Variants in ZNF493 observed in about 807,000 individuals in gnomAD.
ZNF493 encodes the protein zinc finger protein 493.
In ZNF493, 11 loss-of-function variants were observed where a neutral mutation model predicts 12.2. The ratio of observed to expected loss-of-function variants is 0.90; its 90% CI spans 0.57 to 1.50. The LOEUF (loss-of-function observed/expected upper bound fraction) is 1.50, where lower values mean the gene tolerates loss of function less well. ZNF493 is among the 40% of genes most tolerant of loss of function. ZNF493 has a pLI of 0.00. For synonymous variants in ZNF493, 286 were observed against 302.6 expected, an observed-to-expected ratio of 0.95 and a Z score of 0.57; for missense variants, 950 against 906.6, an observed-to-expected ratio of 1.05 and a Z score of -0.61.
chr19:21,418,805 A>C (rs1568381941), intron 3 of ZNF493, among the ~76,000 whole-genome samples: 3 of 152,222 alleles, frequency 2.0e-5, no homozygotes, highest in Admixed American at 6.5e-5. Flanking sequence ...TATCTGCAGC[A>C]GGAGCATGCT....
chr19:21,397,437 G>T, intron 1 of ZNF493, 170 bp downstream of exon 1: 1 of 830,716 alleles, frequency 1.2e-6, no homozygotes, highest in Non-Finnish European at 2.0e-6. Flanking sequence ...GTTGGCGGCT[G>T]CGCCAACAGC....
intron 3 of ZNF493, among the ~76,000 whole-genome samples, chr19:21,419,173 G>A (rs913233407): frequency 6.6e-6 from 1 of 152,206 alleles, no homozygotes; most frequent in East Asian, 1.9e-4. Flanking sequence ...CTGTAGTTGC[G>A]ACAGTGTTGT....
rs1416010181 is a variant in ZNF493, at chr19:21,427,451, G to A, written c.*2467G>A. 2 of 151,584 alleles carry A rather than the reference G, an allele frequency of 1.3e-5. No individual in the cohort carries two copies. The highest frequency in any genetic ancestry group is 2.9e-5 in the Non-Finnish European group (2 of 67,902). The allele number at this position is 151,584 out of a possible 1,614,324, so 9.4% of individuals were successfully genotyped here. ...CTATCCGTCCCCCCTCCCCCCAATT[G>A]TACTTTTATATAATAAAATGCAGTA... On this transcript the variant is annotated 3_prime_UTR_variant, in exon 4 of 4. Transcript: ENST00000392288.
At chr19:21,410,053 A>G (rs868004778) in intron 3 of ZNF493, among the ~76,000 whole-genome samples, 41 of 67,534 alleles carry the variant, frequency 6.1e-4, no homozygotes, top group African/African-American at 2.3e-3. Flanking sequence ...ATAATATTTC[A>G]TTGTGTGTAT....
At chr19:21,413,316 A>T (rs1364427801) in intron 3 of ZNF493, 2 of 390,506 alleles carry the variant, frequency 5.1e-6, no homozygotes, top group Non-Finnish European at 9.0e-6. Context: ...TCCAGGCATT[A>T]TTACCAGCCA....
intron 1 of ZNF493, 41 bp from the exon 2 acceptor site, chr19:21,405,088 A>ATGTGTGTGTGTG: frequency 2.1e-6 from 3 of 1,423,296 alleles, no homozygotes; most frequent in Non-Finnish European, 2.8e-6. Context: ...CCACGTGTAA[A>ATGTGTGTGTGTG]TGTGTGTGTG....
chr19:21,408,880 T>TA, intron 3 of ZNF493: 23 of 830,478 alleles, frequency 2.8e-5, no homozygotes, highest in Non-Finnish European at 3.1e-5. Context: ...TTTCTTTCTT[T>TA]CTTTTTTTTT....
At chr19:21,405,720 A>T in intron 2 of ZNF493, 41 bp from the exon 3 acceptor site, 3 of 1,547,700 alleles carry the variant, frequency 1.9e-6, no homozygotes, top group Non-Finnish European at 2.7e-6. Flanking sequence ...GTAATTAGAG[A>T]ATATGAGCAA....
Position 21,408,317 on chromosome 19 carries a change from C to T in ZNF493, c.253+2461C>T, listed in dbSNP as rs536019557. 39 of 623,900 alleles carry T rather than the reference C, an allele frequency of 6.3e-5. No individual in the cohort carries two copies. In the African/African-American group the frequency reaches 6.8e-4, roughly 11 times the overall value. 38.6% of individuals were successfully genotyped at this position (623,900 alleles called of 1,614,324 possible). On this transcript the variant is annotated intron_variant, in intron 3 of 3. Transcript: ENST00000392288. ...ATTTTTTGTGTGTTTTTAGTGGAGACGGGGTTTCACCATGTTGGCTAAGCT... is the reference window on the plus strand; with the variant it reads ...ATTTTTTGTGTGTTTTTAGTGGAGATGGGGTTTCACCATGTTGGCTAAGCT...
intron 3 of ZNF493, among the ~76,000 whole-genome samples, chr19:21,416,146 G>A (rs1286888913): frequency 6.6e-6 from 1 of 152,192 alleles, no homozygotes; most frequent in African/African-American, 2.4e-5. Flanking sequence ...AAAGGTATAG[G>A]TTCTGGAGGC....
chr19:21,413,197 G>A (rs1049985203), intron 3 of ZNF493: 3 of 326,906 alleles, frequency 9.2e-6, no homozygotes, highest in Non-Finnish European at 1.7e-5. Flanking sequence ...GTACTATTTT[G>A]TTTACAAATA....
chr19:21,425,760 G>GGAGAAAAATCTTACAAAT lies in ZNF493; in HGVS notation c.*778_*795dup, dbSNP rs2030840536. 1 of 596,912 alleles carries GGAGAAAAATCTTACAAAT rather than the reference G, an allele frequency of 1.7e-6. No individual in the cohort carries two copies. Among genetic ancestry groups the GGAGAAAAATCTTACAAAT allele is most frequent in the Non-Finnish European group, 3.2e-6 (1 of 317,230 alleles). The allele number at this position is 596,912 out of a possible 1,614,324, so 37.0% of individuals were successfully genotyped here. A position where few individuals can be genotyped will look rare whatever the true frequency, so the allele number is the denominator to read the frequency against. ...TACTAAACATAAGATAACTCATACT[G>GGAGAAAAATCTTACAAAT]GAGAAAAATCTTACAAATGTGAAGA... is the stretch of plus-strand genomic sequence containing the variant. On this transcript the variant is annotated 3_prime_UTR_variant, in exon 4 of 4. Coordinates refer to ENST00000392288, the MANE Select transcript of ZNF493 (RefSeq NM_001076678.3).
intron 3 of ZNF493, among the ~76,000 whole-genome samples, chr19:21,418,362 A>C (rs1456209028): frequency 6.6e-6 from 1 of 152,200 alleles, no homozygotes; most frequent in Non-Finnish European, 1.5e-5. Context: ...GGAATGAACC[A>C]CAGCACACAC....
intron 3 of ZNF493, among the ~76,000 whole-genome samples, chr19:21,417,086 C>T (rs1050022845): frequency 1.3e-5 from 2 of 152,184 alleles, no homozygotes; most frequent in Non-Finnish European, 2.9e-5. Context: ...ACAGGCCCCT[C>T]ATGGCATTTC....
chr19:21,402,554 C>G (rs921321209), intron 1 of ZNF493, among the ~76,000 whole-genome samples: 1 of 152,168 alleles, frequency 6.6e-6, no homozygotes, highest in Admixed American at 6.5e-5. Flanking sequence ...GCTAACCCCA[C>G]TTAGAATCTG....
chr19:21,403,990 A>G lies in ZNF493; in HGVS notation c.31-1139A>G, dbSNP rs543150727. On this transcript the variant is annotated intron_variant, in intron 1 of 3. Transcript: ENST00000392288. The stretch of plus-strand genomic sequence containing the variant: ...GAAAATGTAGATATTCAAGATTCCC[A>G]TTGGCGGAAAGCTGGGGTCCTTAGT... 6.6e-5 allele frequency among the ~76,000 whole-genome samples: 10 copies of G among 152,288 alleles called. No homozygotes were observed. In the South Asian group the frequency reaches 2.1e-3, roughly 32 times the overall value.
chr19:21,422,588 C>T (rs2030713075), intron 3 of ZNF493, among the ~76,000 whole-genome samples: 1 of 151,560 alleles, frequency 6.6e-6, no homozygotes, highest in Non-Finnish European at 1.5e-5. Flanking sequence ...AGCCACTGCA[C>T]TTGGCTGGGA....
intron 3 of ZNF493, among the ~76,000 whole-genome samples, chr19:21,416,668 G>A (rs1343392944): frequency 6.6e-6 from 1 of 152,056 alleles, no homozygotes; most frequent in Non-Finnish European, 1.5e-5. Flanking sequence ...TTGTTTATTT[G>A]TGCTTCCAAA....
At chr19:21,421,114 A>G (rs760557740) in intron 3 of ZNF493, among the ~76,000 whole-genome samples, 7 of 151,974 alleles carry the variant, frequency 4.6e-5, no homozygotes, top group Non-Finnish European at 8.8e-5. Flanking sequence ...TTTTGCTTAC[A>G]TATGTGTTTG....
Sources: allele counts gnomAD v4.1 joint callset (sites outside exome capture counted in the v4.1 genomes callset), GRCh38; gene constraint gnomAD v4.1.1; transcripts MANE v1.5; gene names NCBI Gene and HGNC (gene_info 2026-07-23, HGNC 2026-07-21).